EYA3: variants seen among roughly 807,000 people sequenced by gnomAD.
EYA3 encodes the protein EYA transcriptional coactivator and phosphatase 3, also known as protein phosphatase EYA3.
Under a neutral mutation model 80.0 loss-of-function variants are expected in EYA3, and 39 were observed. That is an observed-to-expected ratio of 0.49 (90% confidence interval 0.38 to 0.64). The LOEUF (loss-of-function observed/expected upper bound fraction) is 0.64, where lower values mean the gene tolerates loss of function less well. Ranked by LOEUF, EYA3 falls within the 30% of genes least tolerant of loss-of-function variation. The pLI, the probability that EYA3 is intolerant of heterozygous loss-of-function variation, is 0.00. For missense variants in EYA3, 523 were observed against 676.1 expected (o/e 0.77, Z 2.51); for synonymous variants, 206 against 232.8 (o/e 0.88, Z 1.05).
intron 6 of EYA3, among the ~76,000 whole-genome samples, chr1:28,033,842 T>G (rs1367460082): frequency 6.6e-6 from 1 of 151,012 alleles, no homozygotes; most frequent in African/African-American, 2.4e-5. Flanking sequence ...GTATTTTTAA[T>G]AGAAACAGGG....
chr1:27,997,524 C>G, intron 12 of EYA3, 146 bp from the exon 13 acceptor site: 1 of 701,694 alleles, frequency 1.4e-6, no homozygotes, highest in South Asian at 1.7e-5. Flanking sequence ...CTCTCACACC[C>G]CTTGCTGTCC....
chr1:28,013,430 A>G lies in EYA3; in HGVS notation c.586-136T>C. ...AATTTGACTTCTCATTTACCTACCT[A>G]AAAGTCTCCAATCTAAATCAATGAT... On this transcript the variant is annotated intron_variant, in intron 8 of 17. Coordinates refer to ENST00000373871, the MANE Select transcript of EYA3 (RefSeq NM_001990.4). This position sits in a 1 kb window ranked among gnomAD's most constrained non-coding sequence, Gnocchi z 4.0. The G allele has an allele frequency of 1.3e-6, 1 of 756,754 alleles. No homozygotes were observed. Among genetic ancestry groups the G allele is most frequent in the Non-Finnish European group, 2.0e-6 (1 of 497,294 alleles). The allele number at this position is 756,754 out of a possible 1,614,324, so 46.9% of individuals were successfully genotyped here.
At position 28,079,946 on chromosome 1, in the gene EYA3, T is replaced by C. The variant is rs142135895; in HGVS notation, c.-69+8578A>G. On this transcript the variant is annotated intron_variant, in intron 1 of 17. Coordinates refer to ENST00000373871, the MANE Select transcript of EYA3 (RefSeq NM_001990.4). ...CACCTGGCCCCAAACCTAAACATTTTCCATTACAAAAAGACAATATTAGGG... is the reference window on the plus strand; with the variant it reads ...CACCTGGCCCCAAACCTAAACATTTCCCATTACAAAAAGACAATATTAGGG... Among the ~76,000 whole-genome samples, 56 of 151,988 alleles carry C rather than the reference T, an allele frequency of 3.7e-4. No homozygotes were observed. In the East Asian group the frequency reaches 0.01, roughly 28 times the overall value.
chr1:28,077,104 C>CTT lies in EYA3; in HGVS notation c.-69+11418_-69+11419dup, dbSNP rs377204823. On this transcript the variant is annotated intron_variant, in intron 1 of 17. Coordinates refer to ENST00000373871, the MANE Select transcript of EYA3 (RefSeq NM_001990.4). Reference sequence around the variant, plus strand: ...CCTTTGAAATTGTTTACAAAACAATCTTTTTTTTTTTTTTTTTTTGAGACA... The same window carrying CTT: ...CCTTTGAAATTGTTTACAAAACAATCTTTTTTTTTTTTTTTTTTTTTGAGACA... 1.2e-3 allele frequency among the ~76,000 whole-genome samples: 140 copies of CTT among 114,082 alleles called. 1 individual carries two copies. Among genetic ancestry groups the CTT allele is most frequent in the African/African-American group, 2.9e-3 (88 of 30,416 alleles). 74.8% of individuals were successfully genotyped at this position (114,082 alleles called of 152,430 possible). A position where few individuals can be genotyped will look rare whatever the true frequency, so the allele number is the denominator to read the frequency against.
At chr1:28,008,731 G>A (rs111998762) in intron 10 of EYA3, among the ~76,000 whole-genome samples, 2,375 of 152,188 alleles carry the variant, frequency 0.016, 46 homozygotes, top group Middle Eastern at 0.051. Context: ...ATCACCTGAG[G>A]TCAGCAGTTC....
At chr1:28,055,316 G>A (rs1644397640) in intron 2 of EYA3, among the ~76,000 whole-genome samples, 1 of 151,822 alleles carries the variant, frequency 6.6e-6, no homozygotes, top group Non-Finnish European at 1.5e-5. Context: ...CCTCATCTGT[G>A]GATAAGATTC....
In EYA3 at chr1:28,013,704, AAAC is replaced by A. The variant is rs1456786383; in HGVS notation, c.586-413_586-411del. On this transcript the variant is annotated intron_variant, in intron 8 of 17. Coordinates refer to ENST00000373871, the MANE Select transcript of EYA3 (RefSeq NM_001990.4). This position sits in a 1 kb window ranked among gnomAD's most constrained non-coding sequence, Gnocchi z 4.0. ...GATAATAGCACTTCTAAGGACAACA[AAAC>A]AAAACTTAAACTTAAGCAAACAAAA... is the stretch of plus-strand genomic sequence containing the variant. Among the ~76,000 whole-genome samples, 1 of 152,218 alleles carries A rather than the reference AAAC, an allele frequency of 6.6e-6. No homozygotes were observed. The highest frequency in any genetic ancestry group is 1.5e-5 in the Non-Finnish European group (1 of 68,042).
chr1:28,010,815 G>A, intron 10 of EYA3, 132 bp downstream of exon 10: 2 of 1,085,718 alleles, frequency 1.8e-6, no homozygotes, highest in Middle Eastern at 3.2e-4. Context: ...GGCCAATTTA[G>A]TTTATTTTGC....
rs766176403 is a variant in EYA3, at chr1:28,038,920, A to G, written c.158-15T>C. The G allele has an allele frequency of 8.9e-6, 14 of 1,571,216 alleles. No homozygotes were observed. The highest frequency in any genetic ancestry group is 2.3e-5 in the East Asian group (1 of 44,330). On this transcript the variant is annotated splice_polypyrimidine_tract_variant and intron_variant, in intron 4 of 17. Coordinates refer to ENST00000373871, the MANE Select transcript of EYA3 (RefSeq NM_001990.4). ...GCATGTCATAACTGAAAGAAAGATAATATCACCAGGTTAAAAAGTTAGAAC... is the reference window on the plus strand; with the variant it reads ...GCATGTCATAACTGAAAGAAAGATAGTATCACCAGGTTAAAAAGTTAGAAC...
chr1:27,998,396 T>C (rs1438745136), intron 12 of EYA3: 1 of 766,980 alleles, frequency 1.3e-6, no homozygotes, highest in East Asian at 1.3e-4. Context: ...TATTGGCATG[T>C]AGTAGGTTTT....
At chr1:28,045,484 T>C (rs1305436057) in intron 3 of EYA3, among the ~76,000 whole-genome samples, 5 of 152,168 alleles carry the variant, frequency 3.3e-5, no homozygotes, top group Non-Finnish European at 7.3e-5. Flanking sequence ...GTAGATCTTA[T>C]ATTTTAGAAG....
chr1:28,070,740 T>C (rs531184691), intron 1 of EYA3, among the ~76,000 whole-genome samples: 1 of 152,330 alleles, frequency 6.6e-6, no homozygotes, highest in Non-Finnish European at 1.5e-5. Context: ...AGCATTCTCC[T>C]GCTGTCACTC....
At chr1:28,053,388 A>T (rs1323671558) in intron 2 of EYA3, among the ~76,000 whole-genome samples, 1 of 152,192 alleles carries the variant, frequency 6.6e-6, no homozygotes, top group Non-Finnish European at 1.5e-5. Flanking sequence ...AGAAAGAAGC[A>T]CTGACAAATT....
chr1:28,021,127 A>C (rs1035447859), intron 7 of EYA3, among the ~76,000 whole-genome samples: 2 of 152,202 alleles, frequency 1.3e-5, no homozygotes, highest in Non-Finnish European at 2.9e-5. Context: ...TTTAGTTTTT[A>C]CCCACCTCTC....
chr1:27,996,139 C>T (rs906292133), intron 13 of EYA3, among the ~76,000 whole-genome samples: 10 of 152,232 alleles, frequency 6.6e-5, no homozygotes, highest in African/African-American at 2.4e-4. Flanking sequence ...TCCTGAAGTG[C>T]TGGGATTACA....
In EYA3 at chr1:27,974,443, G is replaced by A. The variant is rs747640164; in HGVS notation, c.*23C>T. On this transcript the variant is annotated 3_prime_UTR_variant, in exon 18 of 18. Coordinates refer to ENST00000373871, the MANE Select transcript of EYA3 (RefSeq NM_001990.4). Reference sequence around the variant, plus strand: ...CTTCAGGAGTGAAAAGGAGCTCAAGGGGAAGGCTCCTCATTCCAGTTCTTA... The same window carrying A: ...CTTCAGGAGTGAAAAGGAGCTCAAGAGGAAGGCTCCTCATTCCAGTTCTTA... 5.7e-6 allele frequency: 9 copies of A among 1,592,636 alleles called. No homozygotes were observed. The South Asian group carries it at 7.7e-5, about 14-fold the overall frequency.
intron 17 of EYA3, among the ~76,000 whole-genome samples, chr1:27,975,006 A>G (rs183878774): frequency 5.8e-4 from 89 of 152,320 alleles, no homozygotes; most frequent in Middle Eastern, 6.8e-3. Flanking sequence ...AGTATTTGAT[A>G]TAAGATTATA....
intron 1 of EYA3, among the ~76,000 whole-genome samples, chr1:28,061,315 C>G (rs1455886172): frequency 1.3e-5 from 2 of 152,032 alleles, no homozygotes; most frequent in African/African-American, 4.8e-5. Flanking sequence ...TAATTTGTAC[C>G]CTGAAAGACC....
intron 3 of EYA3, among the ~76,000 whole-genome samples, chr1:28,046,197 GTGATTGTA>G (rs1290489840): frequency 6.6e-6 from 1 of 152,168 alleles, no homozygotes; most frequent in Non-Finnish European, 1.5e-5. Context: ...GCAAGACAAA[GTGATTGTA>G]CTTAGTGCCA....
Sources: allele counts gnomAD v4.1 joint callset (sites outside exome capture counted in the v4.1 genomes callset), GRCh38; gene constraint gnomAD v4.1.1; non-coding constraint Gnocchi (gnomAD v3.1); transcripts MANE v1.5; gene names NCBI Gene and HGNC (gene_info 2026-07-23, HGNC 2026-07-21).